The following CAMTA1 variants were observed in gnomAD, a reference collection of about 807,000 sequenced individuals.
CAMTA1 encodes calmodulin binding transcription activator 1.
Under a neutral mutation model 170.9 loss-of-function variants are expected in CAMTA1, and 27 were observed. The ratio of observed to expected loss-of-function variants is 0.16; its 90% CI spans 0.12 to 0.22. The LOEUF is 0.22. Ranked by LOEUF, CAMTA1 falls within the 10% of genes least tolerant of loss-of-function variation. The pLI is 1.00. For synonymous variants in CAMTA1, 833 were observed against 891.5 expected, an observed-to-expected ratio of 0.93 and a Z score of 1.17; for missense variants, 1,619 against 2,217.2, an observed-to-expected ratio of 0.73 and a Z score of 5.42.
chr1:7,553,627 TG>T (rs1367439983), intron 6 of CAMTA1, among the ~76,000 whole-genome samples: 1 of 152,166 alleles, frequency 6.6e-6, no homozygotes, highest in African/African-American at 2.4e-5. Context: ...GAGGCCCAGA[TG>T]GGGGTGCTGA....
At chr1:7,741,037 T>C (rs537031381) in intron 16 of CAMTA1, among the ~76,000 whole-genome samples, 2 of 152,254 alleles carry the variant, frequency 1.3e-5, no homozygotes, top group East Asian at 1.9e-4. Context: ...CAATTATCGA[T>C]AGTGTGGTAT....
chr1:6,847,881 T>G, intron 3 of CAMTA1, among the ~76,000 whole-genome samples: 1 of 151,228 alleles, frequency 6.6e-6, no homozygotes, highest in East Asian at 1.9e-4. Context: ...TTTTTTTTTT[T>G]TTTGTATTTT....
intron 1 of CAMTA1, among the ~76,000 whole-genome samples, chr1:6,797,163 G>A (rs533165252): frequency 6.6e-6 from 1 of 152,076 alleles, no homozygotes; most frequent in African/African-American, 2.4e-5. Flanking sequence ...TCCACTTCTC[G>A]GGCCTAAGCA....
chr1:6,907,083 G>A (rs1678672890), intron 3 of CAMTA1, among the ~76,000 whole-genome samples: 2 of 152,184 alleles, frequency 1.3e-5, no homozygotes, highest in Non-Finnish European at 2.9e-5. Context: ...TAAGATCTCA[G>A]TATTTAAATA....
intron 6 of CAMTA1, among the ~76,000 whole-genome samples, chr1:7,536,433 G>T (rs779290971): frequency 2.6e-5 from 4 of 152,256 alleles, no homozygotes; most frequent in Admixed American, 6.5e-5. Flanking sequence ...CCTGCCCTTT[G>T]CTGTGGGTTC....
At chr1:7,004,149 C>T (rs572846853) in intron 3 of CAMTA1, among the ~76,000 whole-genome samples, 4 of 152,168 alleles carry the variant, frequency 2.6e-5, no homozygotes, top group Admixed American at 1.3e-4. Flanking sequence ...ACCTTATAAA[C>T]GAAAGTTCCG....
chr1:7,738,497 CAG>C lies in CAMTA1; in HGVS notation c.4182+16_4182+17del, dbSNP rs760332903. 6 of 1,606,884 alleles carry C rather than the reference CAG, an allele frequency of 3.7e-6. No individual in the cohort carries two copies. The Admixed American group carries it at 8.4e-5, about 22-fold the overall frequency. Reference sequence around the variant, plus strand: ...ATGACATACAGGTAAAAAGCAGGGACAGGGTAAGCCCGCAGAGGCTGGTGCGT... The same window carrying C: ...ATGACATACAGGTAAAAAGCAGGGACGGTAAGCCCGCAGAGGCTGGTGCGT... On this transcript the variant is annotated intron_variant, in intron 16 of 22. Coordinates refer to ENST00000303635, the MANE Select transcript of CAMTA1 (RefSeq NM_015215.4). The surrounding 1 kb of genome is among the most constrained non-coding windows in gnomAD (Gnocchi z 4.9).
chr1:6,844,645 C>G (rs942005712), intron 3 of CAMTA1, among the ~76,000 whole-genome samples: 1 of 141,828 alleles, frequency 7.1e-6, no homozygotes, highest in Non-Finnish European at 1.5e-5. Context: ...GAGATTGTGC[C>G]ACTACACTCC....
rs2096212276 is a variant in CAMTA1, at chr1:7,682,099, G to C, written c.2914+4366G>C. 6.6e-6 allele frequency among the ~76,000 whole-genome samples: 1 copy of C among 152,102 alleles called. No individual in the cohort carries two copies. On this transcript the variant is annotated intron_variant, in intron 11 of 22. Coordinates refer to ENST00000303635, the MANE Select transcript of CAMTA1 (RefSeq NM_015215.4). The surrounding 1 kb of genome is among the most constrained non-coding windows in gnomAD (Gnocchi z 5.0). ...CCTCCTTGCCTGGGTGAGAGGATTG[G>C]AGTGAGACCTGCGTGCAGCTCCCCT... is the stretch of plus-strand genomic sequence containing the variant.
chr1:7,760,407 G>A (rs780599005), intron 22 of CAMTA1, among the ~76,000 whole-genome samples: 25 of 152,116 alleles, frequency 1.6e-4, no homozygotes, highest in Non-Finnish European at 3.4e-4. Flanking sequence ...TAACAATGCG[G>A]GGAAGTGTAC....
chr1:7,629,157 C>G (rs1425090529), intron 6 of CAMTA1, among the ~76,000 whole-genome samples: 2 of 152,244 alleles, frequency 1.3e-5, no homozygotes, highest in African/African-American at 4.8e-5. Context: ...AACCAACAAT[C>G]TCATCCAAGC....
At chr1:7,013,881 C>G (rs1165804527) in intron 3 of CAMTA1, among the ~76,000 whole-genome samples, 1 of 152,214 alleles carries the variant, frequency 6.6e-6, no homozygotes, top group African/African-American at 2.4e-5. Flanking sequence ...CTTGTGACTC[C>G]TCTTCTTCAA....
At chr1:6,865,974 T>C (rs1666451525) in intron 3 of CAMTA1, among the ~76,000 whole-genome samples, 1 of 152,226 alleles carries the variant, frequency 6.6e-6, no homozygotes, top group African/African-American at 2.4e-5. Context: ...TTTAAAAAAA[T>C]GTAATAGTCT....
At chr1:7,438,087 G>A (rs1481990331) in intron 5 of CAMTA1, among the ~76,000 whole-genome samples, 1 of 152,204 alleles carries the variant, frequency 6.6e-6, no homozygotes, top group East Asian at 1.9e-4. Flanking sequence ...GAACACCTCA[G>A]GAGTAGGGGT....
chr1:6,969,244 G>A (rs1157962329), intron 3 of CAMTA1, among the ~76,000 whole-genome samples: 1 of 152,208 alleles, frequency 6.6e-6, no homozygotes, highest in Non-Finnish European at 1.5e-5. Context: ...GATGCAGGTT[G>A]GGGGCTCTGA....
rs76622397 is a variant in CAMTA1 at position 7,522,750 on chromosome 1, C to T, written c.510+54849C>T. Among the ~76,000 whole-genome samples the T allele has an allele frequency of 5.5e-3, 841 of 152,322 alleles. 6 individuals carry two copies. The highest frequency in any genetic ancestry group is 0.019 in the African/African-American group (799 of 41,574). ...CTGTGGATATCCAATTGCTCCAATA[C>T]CATTTGTTGAAAAGTTTATCCTTCC... is the stretch of plus-strand genomic sequence containing the variant. On this transcript the variant is annotated intron_variant, in intron 6 of 22. Coordinates refer to ENST00000303635, the MANE Select transcript of CAMTA1 (RefSeq NM_015215.4).
chr1:7,747,909 T>G (rs922236726), intron 19 of CAMTA1, 128 bp downstream of exon 19: 18 of 576,604 alleles, frequency 3.1e-5, no homozygotes, highest in South Asian at 1.0e-4. Flanking sequence ...TTTGGTTGTT[T>G]TTTTTTTTTT....
chr1:7,727,085 G>T (rs986640212), intron 11 of CAMTA1, among the ~76,000 whole-genome samples: 1 of 151,256 alleles, frequency 6.6e-6, no homozygotes, highest in Non-Finnish European at 1.5e-5. Context: ...CTAAATCTAC[G>T]CATTATTCCT....
chr1:7,401,977 A>G (rs2089938308), intron 5 of CAMTA1, among the ~76,000 whole-genome samples: 1 of 152,110 alleles, frequency 6.6e-6, no homozygotes, highest in African/African-American at 2.4e-5. Flanking sequence ...TAAAGGAGTG[A>G]GTCACCAGCC....
Sources: gnomAD v4.1 joint callset for allele counts (sites outside exome capture counted in the v4.1 genomes callset) on GRCh38, gnomAD v4.1.1 for gene constraint, Gnocchi (gnomAD v3.1) non-coding constraint, MANE v1.5 for transcripts, NCBI Gene and HGNC (gene_info 2026-07-23, HGNC 2026-07-21) for gene names.